PAPPA: variants seen among roughly 807,000 people sequenced by gnomAD.
PAPPA encodes the protein pappalysin 1.
In PAPPA, 60 loss-of-function variants were observed where a neutral mutation model predicts 164.0. That is an observed-to-expected ratio of 0.37 (90% confidence interval 0.30 to 0.45). PAPPA has a LOEUF of 0.45. Ranked by LOEUF, PAPPA falls within the 20% of genes least tolerant of loss-of-function variation. The pLI, the probability that PAPPA is intolerant of heterozygous loss-of-function variation, is 1.00. For synonymous variants in PAPPA, 875 were observed against 814.1 expected (o/e 1.07, Z -1.27); for missense variants, 1,782 against 2,087.3 (o/e 0.85, Z 2.85).
In PAPPA at chr9:116,217,490, A is replaced by G. The variant is rs546804423; in HGVS notation, c.1919-2447A>G. Among the ~76,000 whole-genome samples, 4 of 152,292 alleles carry G rather than the reference A, an allele frequency of 2.6e-5. No individual in the cohort carries two copies. In the East Asian group the frequency reaches 5.8e-4, roughly 22 times the overall value. On this transcript the variant is annotated intron_variant, in intron 4 of 21. Coordinates refer to ENST00000328252, the MANE Select transcript of PAPPA (RefSeq NM_002581.5). ...CATTATAAATTATGCTTCAAGAAAC[A>G]TCTTTGTATGTCTATTTTACCCCTG...
intron 10 of PAPPA, among the ~76,000 whole-genome samples, chr9:116,308,300 T>C (rs1056921789): frequency 6.6e-6 from 1 of 152,196 alleles, no homozygotes; most frequent in African/African-American, 2.4e-5. Context: ...CACACTGCTA[T>C]CAGCTTACTC....
chr9:116,188,371 G>A (rs534565283), intron 2 of PAPPA, among the ~76,000 whole-genome samples, 155 bp downstream of exon 2: 1 of 152,304 alleles, frequency 6.6e-6, no homozygotes, highest in African/African-American at 2.4e-5. Context: ...TCGGGTCATT[G>A]TGGAGACCAT....
intron 1 of PAPPA, among the ~76,000 whole-genome samples, chr9:116,182,248 T>C (rs1432607549): frequency 6.6e-6 from 1 of 152,228 alleles, no homozygotes; most frequent in African/African-American, 2.4e-5. Flanking sequence ...AAGATACTCT[T>C]ATAGAGAAGG....
intron 4 of PAPPA, among the ~76,000 whole-genome samples, chr9:116,218,265 A>C (rs374560): frequency 0.58 from 87,569 of 151,734 alleles, 25,988 homozygotes; most frequent in East Asian, 0.81. Context: ...CACACCCTGC[A>C]CCTTCCCTAA....
At chr9:116,293,286 G>T (rs966563106) in intron 9 of PAPPA, among the ~76,000 whole-genome samples, 1 of 152,208 alleles carries the variant, frequency 6.6e-6, no homozygotes. Context: ...TAAAAACTTT[G>T]AATTTTTCAA....
rs770185045 is a variant in PAPPA, at chr9:116,352,724, C to T, written c.3983C>T (p.Thr1328Ile). The change falls in exon 16 of 22, where the codon ACC becomes ATC. Residue 1328 changes from threonine to isoleucine, a missense_variant. Physicochemically the swap from Thr to Ile is moderately conservative, Grantham distance 89. Around this residue, in one of 2 missense-constraint regions of PAPPA, gnomAD observed 1,324 missense variants for 1,656.9 expected, o/e 0.80. Coordinates refer to ENST00000328252, the MANE Select transcript of PAPPA (RefSeq NM_002581.5). Reference sequence around the variant, plus strand: ...CTTCCAGGCAACAACAGCCTCCTGACCTGCATGGAGGATGGGCTGTGGTCC... The same window carrying T: ...CTTCCAGGCAACAACAGCCTCCTGATCTGCATGGAGGATGGGCTGTGGTCC... ...AQLKGNNSLL[T>I]CMEDGLWSFP... is the part of the protein sequence containing the mutation. 7.4e-6 allele frequency: 12 copies of T among 1,612,966 alleles called. No homozygotes were observed. Among genetic ancestry groups the T allele is most frequent in the Middle Eastern group, 2.0e-4 (1 of 5,078 alleles).
rs750038910 is a variant in PAPPA at position 116,211,731 on chromosome 9, G to A, written c.1717G>A (p.Val573Ile). The A allele has an allele frequency of 3.6e-5, 58 of 1,613,936 alleles. No homozygotes were observed. The highest frequency in any genetic ancestry group is 1.3e-4 in the South Asian group (12 of 91,086). Residue 573 changes from valine to isoleucine, a missense_variant, in exon 4 of 22, where the codon GTC (valine) becomes ATC (isoleucine). Val to Ile is a conservative substitution (Grantham distance 29). This residue lies in a region of PAPPA where 1,324 missense variants were observed against 1,656.9 expected (regional missense o/e 0.80). Transcript: ENST00000328252. ...TGGTCACAGCCTGGGCCTCTATCAC[G>A]TCTTCCGAGGCATCTCAGAAATCCA... Reference protein sequence around the residue: ...EIGHSLGLYHVFRGISEIQSC... With the variant: ...EIGHSLGLYHIFRGISEIQSC...
chr9:116,314,544 C>T (rs1845763267), intron 10 of PAPPA, among the ~76,000 whole-genome samples: 1 of 152,188 alleles, frequency 6.6e-6, no homozygotes, highest in South Asian at 2.1e-4. Context: ...AGTGATTTCT[C>T]ACCTGTGAAG....
At position 116,154,648 on chromosome 9, in the gene PAPPA, G is replaced by A. The variant is rs1843579273; in HGVS notation, c.415+61G>A. ...CCTGCGGCCCCAGAGGCTCGCGGGTGTCTGGGCGCGGGTGGCGGGCGGGTC... is the reference window on the plus strand; with the variant it reads ...CCTGCGGCCCCAGAGGCTCGCGGGTATCTGGGCGCGGGTGGCGGGCGGGTC... On this transcript the variant is annotated intron_variant, in intron 1 of 21. Coordinates refer to ENST00000328252, the MANE Select transcript of PAPPA (RefSeq NM_002581.5). The surrounding 1 kb of genome is among the most constrained non-coding windows in gnomAD (Gnocchi z 5.2). 1 of 1,268,674 alleles carries A rather than the reference G, an allele frequency of 7.9e-7. No homozygotes were observed. Among genetic ancestry groups the A allele is most frequent in the Admixed American group, 4.2e-5 (1 of 23,808 alleles). The allele number at this position is 1,268,674 out of a possible 1,614,324, so 78.6% of individuals were successfully genotyped here.
Position 116,248,618 on chromosome 9 carries a change from T to C in PAPPA, c.2732+12981T>C, listed in dbSNP as rs78688508. ...TCTTAGGACTTACAAAGCTCTTCCT[T>C]TGAGACAATTTCAAAATGTTTTGGT... On this transcript the variant is annotated intron_variant, in intron 7 of 21. Transcript: ENST00000328252. Among the ~76,000 whole-genome samples, 525 of 152,282 alleles carry C rather than the reference T, an allele frequency of 3.4e-3. 1 individual carries two copies. The highest frequency in any genetic ancestry group is 0.012 in the African/African-American group (501 of 41,562).
At chr9:116,162,545 C>T (rs1843680520) in intron 1 of PAPPA, among the ~76,000 whole-genome samples, 1 of 152,168 alleles carries the variant, frequency 6.6e-6, no homozygotes, top group African/African-American at 2.4e-5. Flanking sequence ...CTGACTATTG[C>T]ACCTGCTGGT....
At chr9:116,251,044 T>C (rs1039519832) in intron 7 of PAPPA, among the ~76,000 whole-genome samples, 2 of 152,196 alleles carry the variant, frequency 1.3e-5, no homozygotes, top group African/African-American at 2.4e-5. Context: ...TCAGGGTTCA[T>C]GTGACCCTCC....
chr9:116,301,943 T>A (rs1183952357), intron 9 of PAPPA, among the ~76,000 whole-genome samples: 1 of 152,200 alleles, frequency 6.6e-6, no homozygotes, highest in Non-Finnish European at 1.5e-5. Flanking sequence ...TGTAAATCAG[T>A]TCATGTTTTA....
rs1564205639 is a variant in PAPPA, at chr9:116,271,307, TC to T, written c.2862-16del. The stretch of plus-strand genomic sequence containing the variant: ...TAAGACTAAATTGGCAAATTTCTCT[TC>T]CATATCTGCTCTGCAGAGACCAAGG... On this transcript the variant is annotated splice_polypyrimidine_tract_variant and intron_variant, in intron 8 of 21. Transcript: ENST00000328252. The surrounding 1 kb of genome is among the most constrained non-coding windows in gnomAD (Gnocchi z 4.2). 6 of 1,597,994 alleles carry T rather than the reference TC, an allele frequency of 3.8e-6. No individual in the cohort carries two copies. Among genetic ancestry groups the T allele is most frequent in the Non-Finnish European group, 5.1e-6 (6 of 1,166,638 alleles).
intron 3 of PAPPA, 80 bp from the exon 4 acceptor site, chr9:116,211,559 T>A: frequency 1.5e-6 from 2 of 1,305,456 alleles, no homozygotes; most frequent in East Asian, 4.6e-5. Flanking sequence ...AGCATCTCTT[T>A]ATCCTTGATG....
rs146237184 is a variant in PAPPA at position 116,393,212 on chromosome 9, T to G, written c.4777-3297T>G. 7.9e-4 allele frequency among the ~76,000 whole-genome samples: 121 copies of G among 152,290 alleles called. 1 individual carries two copies. Among genetic ancestry groups the G allele is most frequent in the Admixed American group, 1.8e-3 (27 of 15,288 alleles). On this transcript the variant is annotated intron_variant, in intron 21 of 21. Transcript: ENST00000328252. ...CAGGGTCTGTGAAGAAATTCTATGT[T>G]TCAAGTTCCTTTCTGGCCAGGTCTT...
intron 1 of PAPPA, among the ~76,000 whole-genome samples, chr9:116,163,698 A>G (rs751514782): frequency 1.3e-5 from 2 of 151,996 alleles, no homozygotes; most frequent in Non-Finnish European, 2.9e-5. Context: ...TGTGCCTGTC[A>G]CCCTCAGGGG....
intron 10 of PAPPA, among the ~76,000 whole-genome samples, chr9:116,313,422 A>ATCTGG (rs1845748047): frequency 6.6e-6 from 1 of 152,190 alleles, no homozygotes; most frequent in Non-Finnish European, 1.5e-5. Context: ...TTTGGGAGAG[A>ATCTGG]TCTGGTCTAC....
At chr9:116,177,412 G>A (rs1297648782) in intron 1 of PAPPA, among the ~76,000 whole-genome samples, 2 of 152,144 alleles carry the variant, frequency 1.3e-5, no homozygotes, top group Non-Finnish European at 1.5e-5. Context: ...AACTTAATTG[G>A]TGCTTTCTAC....
Sources: allele counts gnomAD v4.1 joint callset (sites outside exome capture counted in the v4.1 genomes callset), GRCh38; gene constraint gnomAD v4.1.1; regional missense constraint gnomAD v4.1.1; non-coding constraint Gnocchi (gnomAD v3.1); transcripts MANE v1.5; gene names NCBI Gene and HGNC (gene_info 2026-07-23, HGNC 2026-07-21).